Variants in RPL32 observed in about 807,000 individuals in gnomAD.
The protein encoded by RPL32 is ribosomal protein L32.
For missense variants in RPL32, 117 were observed against 173.7 expected (o/e 0.67, Z 1.83); for synonymous variants, 61 against 62.6 (o/e 0.98, Z 0.12).
chr3:12,836,019 C>G lies in RPL32; in HGVS notation c.*75G>C. ...ACTAAGTTGGCCAAGAAGCTGAAGA[C>G]TTAAAATCAAGGAAGGAAGATGCCA... On this transcript the variant is annotated 3_prime_UTR_variant, in exon 4 of 4. Transcript: ENST00000429711. The G allele has an allele frequency of 6.4e-7, 1 of 1,572,760 alleles. No individual in the cohort carries two copies.
intron 2 of RPL32, among the ~76,000 whole-genome samples, chr3:12,839,780 G>A (rs1226166320): frequency 1.3e-5 from 2 of 152,198 alleles, no homozygotes; most frequent in East Asian, 3.9e-4. Context: ...TGGGATGCGA[G>A]GGGACTGTGT....
intron 3 of RPL32, among the ~76,000 whole-genome samples, chr3:12,838,569 C>T (rs751667061): frequency 6.6e-6 from 1 of 152,092 alleles, no homozygotes; most frequent in Non-Finnish European, 1.5e-5. Flanking sequence ...GAAGATACCC[C>T]TTACCACAGC....
chr3:12,839,728 AC>A (rs2062132445), intron 2 of RPL32, 198 bp from the exon 3 acceptor site: 1 of 631,614 alleles, frequency 1.6e-6, no homozygotes, highest in Admixed American at 2.8e-5. Flanking sequence ...GGATGAAGGC[AC>A]CCCCACCATT....
intron 1 of RPL32, 37 bp from the exon 2 acceptor site, chr3:12,840,279 C>G (rs1237775563): frequency 2.0e-6 from 3 of 1,470,388 alleles, no homozygotes; most frequent in Non-Finnish European, 2.9e-6. Context: ...GAGGAAGAAT[C>G]CTGGAAGGAG....
At position 12,835,542 on chromosome 3, in the gene RPL32, GGA is replaced by G. The variant is rs2062093055; in HGVS notation, c.*550_*551del. 1 of 156,180 alleles carries G rather than the reference GGA, an allele frequency of 6.4e-6. No individual in the cohort carries two copies. Among genetic ancestry groups the G allele is most frequent in the Admixed American group, 6.2e-5 (1 of 16,062 alleles). 9.7% of individuals were successfully genotyped at this position (156,180 alleles called of 1,614,324 possible). A position where few individuals can be genotyped will look rare whatever the true frequency, so the allele number is the denominator to read the frequency against. ...AGCAGCAGCTGGTGGGAGGGTTATA[GGA>G]GACTGAAAGTGCTTTTCCAGTTAAC... On this transcript the variant is annotated 3_prime_UTR_variant, in exon 4 of 4. Coordinates refer to ENST00000429711, the MANE Select transcript of RPL32 (RefSeq NM_000994.4).
Position 12,835,581 on chromosome 3 carries a change from A to G in RPL32, c.*513T>C, listed in dbSNP as rs1180850226. The G allele has an allele frequency of 6.3e-6, 1 of 157,526 alleles. No individual in the cohort carries two copies. The highest frequency in any genetic ancestry group is 2.4e-5 in the African/African-American group (1 of 41,496). The allele number at this position is 157,526 out of a possible 1,614,324, so 9.8% of individuals were successfully genotyped here. Reference sequence around the variant, plus strand: ...CTTTTCCAGTTAACCGTGGTGGATTACCTGGAAGAGCAATTTGTACATCAT... The same window carrying G: ...CTTTTCCAGTTAACCGTGGTGGATTGCCTGGAAGAGCAATTTGTACATCAT... On this transcript the variant is annotated 3_prime_UTR_variant, in exon 4 of 4. Transcript: ENST00000429711.
intron 3 of RPL32, 31 bp from the exon 4 acceptor site, chr3:12,836,254 G>C (rs751735479): frequency 1.3e-6 from 2 of 1,599,178 alleles, no homozygotes; most frequent in East Asian, 2.2e-5. Context: ...TAAGGAGCAA[G>C]ACAGCCCTCA....
chr3:12,841,141 A>C (rs1407932434), intron 1 of RPL32: 8 of 152,446 alleles, frequency 5.2e-5, no homozygotes, highest in Admixed American at 4.6e-4. Flanking sequence ...ACGTGGGCCG[A>C]CATTGGTGAG....
At chr3:12,838,622 C>T in intron 3 of RPL32, among the ~76,000 whole-genome samples, 2 of 151,980 alleles carry the variant, frequency 1.3e-5, no homozygotes, top group East Asian at 3.9e-4. Context: ...CATGTTTGAC[C>T]TTCTCCCGCT....
intron 3 of RPL32, among the ~76,000 whole-genome samples, chr3:12,838,089 G>A (rs1158548152): frequency 6.6e-6 from 1 of 152,218 alleles, no homozygotes; most frequent in East Asian, 1.9e-4. Context: ...TGTAGCCAGG[G>A]CAACACAGAG....
Position 12,835,190 on chromosome 3 carries a change from A to C in RPL32, c.*904T>G, listed in dbSNP as rs2124881117. The stretch of plus-strand genomic sequence containing the variant: ...TAATCCCAGTACTTTGGGAGGCTGA[A>C]GCAGGATTGCTTGAGCTCAGGAGTT... On this transcript the variant is annotated 3_prime_UTR_variant, in exon 4 of 4. Coordinates refer to ENST00000429711, the MANE Select transcript of RPL32 (RefSeq NM_000994.4). 1 of 152,388 alleles carries C rather than the reference A, an allele frequency of 6.6e-6. No individual in the cohort carries two copies. The highest frequency in any genetic ancestry group is 1.5e-5 in the Non-Finnish European group (1 of 68,084). The allele number at this position is 152,388 out of a possible 1,614,324, so 9.4% of individuals were successfully genotyped here. A position where few individuals can be genotyped will look rare whatever the true frequency, so the allele number is the denominator to read the frequency against.
Position 12,839,457 on chromosome 3 carries a change from T to C in RPL32, c.170A>G (p.Asn57Ser), listed in dbSNP as rs141390112. 739 of 1,614,104 alleles carry C rather than the reference T, an allele frequency of 4.6e-4. 8 individuals carry two copies. Among genetic ancestry groups the C allele is most frequent in the African/African-American group, 4.0e-4 (30 of 74,934 alleles). The change falls in exon 3 of 4, where the codon AAC becomes AGC. Residue 57 changes from asparagine (N) to serine (S), a missense_variant. Coordinates refer to ENST00000429711, the MANE Select transcript of RPL32 (RefSeq NM_000994.4). ...TTTTTTGTTGCTTCCATAACCAATG[T>C]TGGGCATCAAGATCTGGCCCTTGAA... is the stretch of plus-strand genomic sequence containing the variant. ...RRFKGQILMP[N>S]IGYGSNKKTK...
chr3:12,835,137 A>C lies in RPL32; in HGVS notation c.*957T>G, dbSNP rs2062089798. Reference sequence around the variant, plus strand: ...ATAAGTACCACATCCCATATCCCTCATGACCTATATACTACAGAAGATGCC... The same window carrying C: ...ATAAGTACCACATCCCATATCCCTCCTGACCTATATACTACAGAAGATGCC... On this transcript the variant is annotated 3_prime_UTR_variant, in exon 4 of 4. Transcript: ENST00000429711. 1 of 152,162 alleles carries C rather than the reference A, an allele frequency of 6.6e-6. No individual in the cohort carries two copies. Among genetic ancestry groups the C allele is most frequent in the Non-Finnish European group, 1.5e-5 (1 of 68,036 alleles). 9.4% of individuals were successfully genotyped at this position (152,162 alleles called of 1,614,324 possible).
In RPL32 at chr3:12,840,226, G is replaced by A. The variant is rs1318287338; in HGVS notation, c.12C>T (p.Leu4=). 6.2e-7 allele frequency: 1 copy of A among 1,613,902 alleles called. No homozygotes were observed. The highest frequency in any genetic ancestry group is 2.2e-5 in the East Asian group (1 of 44,884). The change falls in exon 2 of 4, where the codon CTC becomes CTT. Residue 4 remains leucine, a synonymous_variant. Coordinates refer to ENST00000429711, the MANE Select transcript of RPL32 (RefSeq NM_000994.4). ...CGATCTTGGGCTTCACAAGGGGTCT[G>A]AGGGCGGCCATGATGCCTTTTGGGG... MAA[L]RPLVKPKIVK... is the part of the protein sequence containing the mutation.
At chr3:12,839,059 A>T in intron 3 of RPL32, 1 of 486,704 alleles carries the variant, frequency 2.1e-6, no homozygotes, top group Admixed American at 3.8e-5. Context: ...GCCAAAGGAT[A>T]TTGTAGTAGT....
At chr3:12,837,774 G>A (rs1004263304) in intron 3 of RPL32, among the ~76,000 whole-genome samples, 2 of 152,168 alleles carry the variant, frequency 1.3e-5, no homozygotes, top group African/African-American at 4.8e-5. Flanking sequence ...GTTCTTTCTA[G>A]TTTACTTAGG....
rs1343662836 is a variant in RPL32, at chr3:12,835,904, C to CAAT, written c.*189_*190insATT. 1.6e-6 allele frequency: 1 copy of CAAT among 643,812 alleles called. No homozygotes were observed. Among genetic ancestry groups the CAAT allele is most frequent in the Non-Finnish European group, 2.6e-6 (1 of 383,400 alleles). 39.9% of individuals were successfully genotyped at this position (643,812 alleles called of 1,614,324 possible). On this transcript the variant is annotated 3_prime_UTR_variant, in exon 4 of 4. Coordinates refer to ENST00000429711, the MANE Select transcript of RPL32 (RefSeq NM_000994.4). The stretch of plus-strand genomic sequence containing the variant: ...TAGTCTGTGCACTTGAGGCCACATT[C>CAAT]CCCTGTTCAAGGACTGAGTGTCCTT...
At chr3:12,836,441 T>TA (rs1428326184) in intron 3 of RPL32, among the ~76,000 whole-genome samples, 2 of 152,140 alleles carry the variant, frequency 1.3e-5, no homozygotes, top group Non-Finnish European at 2.9e-5. Flanking sequence ...CTCTCATCCT[T>TA]ATAGCAGCCT....
intron 3 of RPL32, chr3:12,838,939 C>T (rs1193825282): frequency 7.6e-6 from 2 of 262,370 alleles, no homozygotes; most frequent in Non-Finnish European, 7.4e-6. Flanking sequence ...GGCTGTGTCA[C>T]GGGCCATGGT....
Sources: gnomAD v4.1 joint callset for allele counts (sites outside exome capture counted in the v4.1 genomes callset) on GRCh38, gnomAD v4.1.1 for gene constraint, MANE v1.5 for transcripts, NCBI Gene and HGNC (gene_info 2026-07-23, HGNC 2026-07-21) for gene names.